The following TMEM178B variants were observed in gnomAD, a reference collection of about 807,000 sequenced individuals.
TMEM178B encodes transmembrane protein 178B.
In TMEM178B, 5 loss-of-function variants were observed where a neutral mutation model predicts 31.0. The observed-to-expected ratio is 0.16, with a 90% CI of 0.08 to 0.34. The LOEUF (loss-of-function observed/expected upper bound fraction) is 0.34. Ranked by LOEUF, TMEM178B falls within the 10% of genes least tolerant of loss-of-function variation. The pLI, the probability that TMEM178B is intolerant of heterozygous loss-of-function variation, is 1.00. For synonymous variants in TMEM178B, 164 were observed against 164.0 expected (o/e 1.00, Z 0.00); for missense variants, 275 against 400.3 (o/e 0.69, Z 2.67).
At chr7:141,278,882 G>A (rs1367898961) in intron 2 of TMEM178B, among the ~76,000 whole-genome samples, 1 of 152,138 alleles carries the variant, frequency 6.6e-6, no homozygotes, top group Non-Finnish European at 1.5e-5. Context: ...GTTGAAAGGT[G>A]GAGATTAAAG....
chr7:141,080,857 T>A (rs1794670758), intron 1 of TMEM178B, among the ~76,000 whole-genome samples: 1 of 152,184 alleles, frequency 6.6e-6, no homozygotes, highest in Non-Finnish European at 1.5e-5. Context: ...ACATCATAGA[T>A]GTCACAGTGC....
intron 2 of TMEM178B, among the ~76,000 whole-genome samples, chr7:141,354,839 C>G (rs1177926653): frequency 6.6e-6 from 1 of 152,224 alleles, no homozygotes; most frequent in Non-Finnish European, 1.5e-5. Flanking sequence ...TTCTCTCTTT[C>G]CTTTCATCTC....
chr7:141,257,754 T>C (rs1374506876), intron 2 of TMEM178B, among the ~76,000 whole-genome samples: 1 of 151,958 alleles, frequency 6.6e-6, no homozygotes. Context: ...AATTTTTATT[T>C]ATTTATTTAT....
intron 2 of TMEM178B, among the ~76,000 whole-genome samples, chr7:141,401,703 G>T (rs1015795544): frequency 6.6e-6 from 1 of 152,152 alleles, no homozygotes; most frequent in African/African-American, 2.4e-5. Flanking sequence ...ACCGTGCCCA[G>T]CCTGCAGTTA....
rs544868459 is a variant in TMEM178B, at chr7:141,141,270, A to T, written c.382+66578A>T. 3.3e-5 allele frequency among the ~76,000 whole-genome samples: 5 copies of T among 150,754 alleles called. No homozygotes were observed. In the East Asian group the frequency reaches 9.7e-4, roughly 29 times the overall value. ...TCCAGATGGTTCCTGCGTTTCTTTG[A>T]CTTTGCCCCATCAATTTTTTTTTTC... On this transcript the variant is annotated intron_variant, in intron 1 of 3. Coordinates refer to ENST00000565468, the MANE Select transcript of TMEM178B (RefSeq NM_001195278.2).
At chr7:141,443,378 G>A (rs1801696485) in intron 3 of TMEM178B, among the ~76,000 whole-genome samples, 2 of 152,118 alleles carry the variant, frequency 1.3e-5, no homozygotes, top group Admixed American at 6.5e-5. Context: ...CACACTGCAC[G>A]TCATTCTCGA....
chr7:141,352,520 A>C (rs1277903747), intron 2 of TMEM178B, among the ~76,000 whole-genome samples: 2 of 152,068 alleles, frequency 1.3e-5, no homozygotes, highest in African/African-American at 4.8e-5. Flanking sequence ...CTGGGATTAC[A>C]AGCACGCGCC....
At chr7:141,222,116 T>C (rs1172447517) in intron 2 of TMEM178B, among the ~76,000 whole-genome samples, 1 of 152,148 alleles carries the variant, frequency 6.6e-6, no homozygotes, top group East Asian at 1.9e-4. Flanking sequence ...GCACAACCTC[T>C]CAGGGAAGCA....
chr7:141,468,740 C>T (rs927441910), intron 3 of TMEM178B, among the ~76,000 whole-genome samples: 5 of 151,940 alleles, frequency 3.3e-5, no homozygotes, highest in Non-Finnish European at 5.9e-5. Context: ...GGTTTAGGAC[C>T]GGAGGTTTAA....
At chr7:141,362,586 A>G (rs1799934581) in intron 2 of TMEM178B, among the ~76,000 whole-genome samples, 1 of 152,156 alleles carries the variant, frequency 6.6e-6, no homozygotes, top group African/African-American at 2.4e-5. Flanking sequence ...TGGAACAAGG[A>G]GGACTAGATA....
intron 1 of TMEM178B, among the ~76,000 whole-genome samples, chr7:141,124,523 C>T (rs1012593283): frequency 2.0e-5 from 3 of 152,124 alleles, no homozygotes; most frequent in East Asian, 1.9e-4. Flanking sequence ...ATGGTTGCCT[C>T]GACTGTAAGC....
intron 2 of TMEM178B, among the ~76,000 whole-genome samples, chr7:141,368,214 G>T (rs1800045870): frequency 6.6e-6 from 1 of 152,188 alleles, no homozygotes; most frequent in Non-Finnish European, 1.5e-5. Context: ...AGCTACTCAG[G>T]AGGCTGAGGT....
intron 2 of TMEM178B, among the ~76,000 whole-genome samples, chr7:141,393,209 G>A (rs1392810489): frequency 1.3e-5 from 2 of 152,032 alleles, no homozygotes; most frequent in South Asian, 2.1e-4. Context: ...TCTTCTCCAG[G>A]GCAGCTCTGT....
rs369285741 is a variant in TMEM178B, at chr7:141,479,604, T to G, written c.*8818T>G. The G allele has an allele frequency of 2.0e-4, 31 of 152,360 alleles. No homozygotes were observed. The highest frequency in any genetic ancestry group is 7.5e-4 in the African/African-American group (31 of 41,588). The allele number at this position is 152,360 out of a possible 1,614,324, so 9.4% of individuals were successfully genotyped here. A position where few individuals can be genotyped will look rare whatever the true frequency, so the allele number is the denominator to read the frequency against. On this transcript the variant is annotated 3_prime_UTR_variant, in exon 4 of 4. Coordinates refer to ENST00000565468, the MANE Select transcript of TMEM178B (RefSeq NM_001195278.2). ...TCTCAAAGCATTTCAACGGTCAGTA[T>G]AACAAGGTTTGATTGATTTAAAATA...
At chr7:141,271,347 T>C (rs1798177520) in intron 2 of TMEM178B, among the ~76,000 whole-genome samples, 1 of 152,188 alleles carries the variant, frequency 6.6e-6, no homozygotes, top group East Asian at 1.9e-4. Context: ...GGGGCAAAGA[T>C]TGTAAGGCAC....
intron 2 of TMEM178B, among the ~76,000 whole-genome samples, chr7:141,261,810 A>G (rs919442301): frequency 4.6e-5 from 7 of 152,148 alleles, no homozygotes; most frequent in African/African-American, 1.7e-4. Context: ...TAACCCCTGC[A>G]TGCATCTGTC....
In TMEM178B at chr7:141,215,777, C is replaced by CCTTTCTTT. The variant is rs529722580; in HGVS notation, c.496+3130_496+3137dup. Among the ~76,000 whole-genome samples the CCTTTCTTT allele has an allele frequency of 1.6e-3, 179 of 112,106 alleles. 3 individuals carry two copies. Among genetic ancestry groups the CCTTTCTTT allele is most frequent in the African/African-American group, 3.1e-3 (90 of 29,260 alleles). The allele number at this position is 112,106 out of a possible 152,430, so 73.5% of individuals were successfully genotyped here. On this transcript the variant is annotated intron_variant, in intron 2 of 3. Coordinates refer to ENST00000565468, the MANE Select transcript of TMEM178B (RefSeq NM_001195278.2). ...TGGTTAAATTTGAATTATATACTTTCCTTTCTTTCTTTCTTTCTTTCTTTC... is the reference window on the plus strand; with the variant it reads ...TGGTTAAATTTGAATTATATACTTTCCTTTCTTTCTTTCTTTCTTTCTTTCTTTCTTTC...
intron 2 of TMEM178B, among the ~76,000 whole-genome samples, chr7:141,240,170 G>C (rs1237522986): frequency 2.6e-5 from 4 of 152,130 alleles, no homozygotes; most frequent in African/African-American, 2.4e-5. Flanking sequence ...GTGGGTAGTG[G>C]CTACTGTATT....
At chr7:141,275,930 TG>T (rs1220791618) in intron 2 of TMEM178B, among the ~76,000 whole-genome samples, 2 of 152,198 alleles carry the variant, frequency 1.3e-5, no homozygotes, top group Non-Finnish European at 1.5e-5. Context: ...CATGGAGAGC[TG>T]CATGTTAAGT....
Sources: gnomAD v4.1 joint callset for allele counts (sites outside exome capture counted in the v4.1 genomes callset) on GRCh38, gnomAD v4.1.1 for gene constraint, MANE v1.5 for transcripts, NCBI Gene and HGNC (gene_info 2026-07-23, HGNC 2026-07-21) for gene names.